SYTL3: variants seen among roughly 807,000 people sequenced by gnomAD.
SYTL3 encodes synaptotagmin-like protein 3.
Under a neutral mutation model 82.1 loss-of-function variants are expected in SYTL3, and 88 were observed. The ratio of observed to expected loss-of-function variants is 1.07; its 90% CI spans 0.90 to 1.28. The LOEUF (loss-of-function observed/expected upper bound fraction) is 1.28. Ranked by LOEUF, SYTL3 falls within the 50% of genes most tolerant of loss-of-function variation. SYTL3 has a pLI of 0.00. For synonymous variants in SYTL3, 311 were observed against 289.4 expected, an observed-to-expected ratio of 1.07 and a Z score of -0.76; for missense variants, 831 against 757.6, an observed-to-expected ratio of 1.10 and a Z score of -1.14.
chr6:158,762,593 C>T (rs926752439), intron 16 of SYTL3, among the ~76,000 whole-genome samples: 4 of 152,124 alleles, frequency 2.6e-5, no homozygotes, highest in Non-Finnish European at 2.9e-5. Flanking sequence ...GCAAACTCCC[C>T]GTCAGTGACA....
intron 17 of SYTL3, 110 bp downstream of exon 17, chr6:158,763,619 G>C: frequency 1.1e-6 from 1 of 888,648 alleles, no homozygotes; most frequent in Non-Finnish European, 1.8e-6. Flanking sequence ...TTTTGAAATT[G>C]CCTAGCCTGC....
intron 13 of SYTL3, among the ~76,000 whole-genome samples, chr6:158,756,856 T>G (rs972608095): frequency 1.3e-5 from 2 of 150,728 alleles, no homozygotes; most frequent in African/African-American, 4.9e-5. Flanking sequence ...TGATTTCTAG[T>G]AGGCGTGAGC....
In SYTL3 at chr6:158,701,311, CTGGGGTGTAG is replaced by C; in HGVS notation, c.395-5918_395-5909del. Among the ~76,000 whole-genome samples, 8 of 38,460 alleles carry C rather than the reference CTGGGGTGTAG, an allele frequency of 2.1e-4. 1 individual carries two copies. The highest frequency in any genetic ancestry group is 9.1e-4 in the African/African-American group (5 of 5,490). The allele number at this position is 38,460 out of a possible 152,430, so 25.2% of individuals were successfully genotyped here. On this transcript the variant is annotated intron_variant, in intron 6 of 17. Coordinates refer to ENST00000611299, the MANE Select transcript of SYTL3 (RefSeq NM_001242394.2). ...TGGGGTGTAGATGAAGGAGTGTGAG[CTGGGGTGTAG>C]ATGAAGGAGTGTGAGCTGGGGTGTA...
chr6:158,709,623 A>G (rs905677422), intron 8 of SYTL3, among the ~76,000 whole-genome samples: 9 of 152,266 alleles, frequency 5.9e-5, no homozygotes, highest in Middle Eastern at 3.4e-3. Flanking sequence ...GGTTATCTTC[A>G]TTATTCTATA....
intron 6 of SYTL3, among the ~76,000 whole-genome samples, chr6:158,696,129 A>G (rs1341323822): frequency 6.6e-6 from 1 of 152,124 alleles, no homozygotes; most frequent in East Asian, 1.9e-4. Context: ...CTGCTGCCCT[A>G]TTTTATTATA....
chr6:158,645,771 C>A (rs1313625118), upstream of SYTL3, among the ~76,000 whole-genome samples: 1 of 152,184 alleles, frequency 6.6e-6, no homozygotes, highest in African/African-American at 2.4e-5. Context: ...TCCCTCCCCT[C>A]ACCCATTCTG....
intron 6 of SYTL3, among the ~76,000 whole-genome samples, chr6:158,704,189 A>G (rs1331182141): frequency 6.6e-6 from 1 of 152,154 alleles, no homozygotes. Flanking sequence ...GACACATTCA[A>G]ATTTCAGTGC....
chr6:158,756,198 T>C (rs932519464), intron 13 of SYTL3, among the ~76,000 whole-genome samples: 5 of 152,228 alleles, frequency 3.3e-5, no homozygotes, highest in Admixed American at 1.3e-4. Context: ...CTCTAGTCTC[T>C]ATGGGGCAGA....
intron 10 of SYTL3, among the ~76,000 whole-genome samples, chr6:158,719,329 T>G (rs532834201): frequency 6.6e-6 from 1 of 152,310 alleles, no homozygotes; most frequent in Admixed American, 6.5e-5. Flanking sequence ...TGCCAAAGGT[T>G]GTATAGCCAA....
chr6:158,757,460 G>A (rs1789282467), intron 14 of SYTL3, 79 bp downstream of exon 14: 1 of 1,482,548 alleles, frequency 6.7e-7, no homozygotes, highest in South Asian at 1.2e-5. Flanking sequence ...TCCCAGAAGA[G>A]AAAACGTACC....
At chr6:158,658,357 T>G (rs894476605) in intron 2 of SYTL3, among the ~76,000 whole-genome samples, 2 of 152,228 alleles carry the variant, frequency 1.3e-5, no homozygotes, top group Non-Finnish European at 2.9e-5. Context: ...CAATCATATA[T>G]ACTCCACACA....
chr6:158,663,208 G>C lies in SYTL3; in HGVS notation c.-61G>C, dbSNP rs797000154. On this transcript the variant is annotated 5_prime_UTR_variant, in exon 4 of 18. Transcript: ENST00000611299. The stretch of plus-strand genomic sequence containing the variant: ...GGCCTCCGCCGCTCATCTGCAGGGC[G>C]TGAGCGCTTGGTCCATGCAGTGAAG... 8.0e-6 allele frequency: 12 copies of C among 1,493,080 alleles called. 1 individual carries two copies. The South Asian group carries it at 1.4e-4, about 17-fold the overall frequency. 92.5% of individuals were successfully genotyped at this position (1,493,080 alleles called of 1,614,324 possible). A position where few individuals can be genotyped will look rare whatever the true frequency, so the allele number is the denominator to read the frequency against.
chr6:158,764,845 AT>A lies in SYTL3; in HGVS notation c.*245del. 2.5e-6 allele frequency: 1 copy of A among 397,370 alleles called. No individual in the cohort carries two copies. The allele number at this position is 397,370 out of a possible 1,614,324, so 24.6% of individuals were successfully genotyped here. ...TCTTTGAGATGTAGAAAATGGCCAG[AT>A]TTTAATAAACGTTGTTACCCATGTC... On this transcript the variant is annotated 3_prime_UTR_variant, in exon 18 of 18. Transcript: ENST00000611299.
rs116104658 is a variant in SYTL3 at position 158,725,344 on chromosome 6, C to T, written c.721-159C>T. On this transcript the variant is annotated intron_variant, in intron 10 of 17. Coordinates refer to ENST00000611299, the MANE Select transcript of SYTL3 (RefSeq NM_001242394.2). ...GTGTGTGCGTGTGTGTGTGTGTGTG[C>T]GCACGTGCACGCATTTACCAAATGC... 3.3e-3 allele frequency among the ~76,000 whole-genome samples: 502 copies of T among 151,464 alleles called. 2 individuals carry two copies. The highest frequency in any genetic ancestry group is 0.011 in the African/African-American group (471 of 40,992).
chr6:158,706,000 G>A (rs1193470332), intron 6 of SYTL3, among the ~76,000 whole-genome samples: 1 of 152,148 alleles, frequency 6.6e-6, no homozygotes, highest in African/African-American at 2.4e-5. Flanking sequence ...CTCTCAGGGG[G>A]CTCCTGCAGG....
intron 10 of SYTL3, among the ~76,000 whole-genome samples, chr6:158,720,864 G>A (rs994137466): frequency 6.6e-6 from 1 of 152,180 alleles, no homozygotes; most frequent in African/African-American, 2.4e-5. Context: ...GAGGTGAGAC[G>A]CATTTCCCAT....
chr6:158,745,516 A>G lies in SYTL3; in HGVS notation c.892A>G (p.Met298Val), dbSNP rs982494395. The part of the protein sequence containing the change: ...LISIDSTCTE[M>V]GNFDNANVTG... Reference sequence around the variant, plus strand: ...TAGCATTGACAGCACCTGTACAGAGATGGGCAATTTTGACAATGCTAATGT... The same window carrying G: ...TAGCATTGACAGCACCTGTACAGAGGTGGGCAATTTTGACAATGCTAATGT... The change falls in exon 12 of 18, where the codon ATG (methionine) becomes GTG (valine). Residue 298 changes from methionine (M) to valine (V), a missense_variant. Physicochemically the swap from Met to Val is conservative, Grantham distance 21 (BLOSUM62 1). Transcript: ENST00000611299. The G allele has an allele frequency of 8.1e-6, 13 of 1,613,442 alleles. No individual in the cohort carries two copies. The East Asian group carries it at 2.9e-4, about 36-fold the overall frequency.
chr6:158,731,618 G>T (rs549640582), intron 11 of SYTL3, among the ~76,000 whole-genome samples: 1 of 152,134 alleles, frequency 6.6e-6, no homozygotes, highest in Non-Finnish European at 1.5e-5. Flanking sequence ...TGTTGAGATG[G>T]TGTCTCGCTC....
chr6:158,747,650 A>T (rs1296242704), intron 12 of SYTL3, among the ~76,000 whole-genome samples: 1 of 151,816 alleles, frequency 6.6e-6, no homozygotes, highest in East Asian at 1.9e-4. Flanking sequence ...TTCCAGCTAG[A>T]TTTTTTAACT....
Sources: gnomAD v4.1 joint callset for allele counts (sites outside exome capture counted in the v4.1 genomes callset) on GRCh38, gnomAD v4.1.1 for gene constraint, MANE v1.5 for transcripts, NCBI Gene and HGNC (gene_info 2026-07-23, HGNC 2026-07-21) for gene names.